The following BPIFB4 variants were observed in gnomAD, a reference collection of about 807,000 sequenced individuals.
BPIFB4 encodes the protein BPI fold-containing family B member 4.
A neutral mutation model predicts 69.2 loss-of-function variants in BPIFB4; 62 were observed. The observed-to-expected ratio is 0.90, with a 90% CI of 0.73 to 1.11. BPIFB4 has a LOEUF of 1.11. Ranked by LOEUF, BPIFB4 falls within the 50% of genes least tolerant of loss-of-function variation. BPIFB4 has a pLI of 0.00. For missense variants in BPIFB4, 789 were observed against 792.0 expected, an observed-to-expected ratio of 1.00 and a Z score of 0.04; for synonymous variants, 330 against 332.7, an observed-to-expected ratio of 0.99 and a Z score of 0.09.
Position 33,083,721 on chromosome 20 carries a change from G to A in BPIFB4, c.524G>A (p.Gly175Glu). ...AVGPGGLLGT[G>E]GMLAADGILA... Reference sequence around the variant, plus strand: ...GGCCCAGGTGGTTTGCTGGGCACTGGAGGCATGCTGGCAGCTGATGGCATC... The same window carrying A: ...GGCCCAGGTGGTTTGCTGGGCACTGAAGGCATGCTGGCAGCTGATGGCATC... The change falls in exon 5 of 18, where the codon GGA becomes GAA. Residue 175 changes from glycine (G) to glutamate (E), a missense_variant. This residue lies in a region of BPIFB4 where 611 missense variants were observed against 575.4 expected (regional missense o/e 1.06). Transcript: ENST00000375483. 6.2e-7 allele frequency: 1 copy of A among 1,614,034 alleles called. No individual in the cohort carries two copies. Among genetic ancestry groups the A allele is most frequent in the Non-Finnish European group, 8.5e-7 (1 of 1,179,974 alleles).
chr20:33,081,141 T>C (rs1600550774), intron 2 of BPIFB4, among the ~76,000 whole-genome samples: 1 of 152,138 alleles, frequency 6.6e-6, no homozygotes, highest in Non-Finnish European at 1.5e-5. Flanking sequence ...GATGAGTAGA[T>C]GGGTAGATGC....
rs1982242742 is a variant in BPIFB4, at chr20:33,111,650, C to T, written c.*213C>T. On this transcript the variant is annotated 3_prime_UTR_variant, in exon 18 of 18. Coordinates refer to ENST00000375483, the MANE Select transcript of BPIFB4 (RefSeq NM_182519.3). Reference sequence around the variant, plus strand: ...ACATTCCCTTCCATGGTCAGCCTGCCAGGAGGAGGGGAGTCACCTTGGGGC... The same window carrying T: ...ACATTCCCTTCCATGGTCAGCCTGCTAGGAGGAGGGGAGTCACCTTGGGGC... The T allele has an allele frequency of 3.3e-6, 2 of 607,534 alleles. No individual in the cohort carries two copies. The highest frequency in any genetic ancestry group is 4.3e-5 in the South Asian group (2 of 46,666). The allele number at this position is 607,534 out of a possible 1,614,324, so 37.6% of individuals were successfully genotyped here. A position where few individuals can be genotyped will look rare whatever the true frequency, so the allele number is the denominator to read the frequency against.
chr20:33,085,050 T>C, intron 6 of BPIFB4, 54 bp downstream of exon 6: 6 of 1,577,448 alleles, frequency 3.8e-6, no homozygotes, highest in Non-Finnish European at 5.1e-6. Context: ...CCAACCTCTG[T>C]ATCCATAACA....
intron 16 of BPIFB4, among the ~76,000 whole-genome samples, chr20:33,105,893 C>T (rs752581574): frequency 3.2e-4 from 48 of 152,014 alleles, no homozygotes; most frequent in Admixed American, 7.9e-4. Flanking sequence ...AACTTGGGGG[C>T]GAGTCTTTTA....
intron 8 of BPIFB4, 131 bp from the exon 9 acceptor site, chr20:33,089,367 G>C: frequency 7.0e-7 from 1 of 1,426,964 alleles, no homozygotes. Context: ...CCACAGGGCT[G>C]TGGTGAGGAG....
At chr20:33,107,513 A>G (rs1272561941) in intron 16 of BPIFB4, among the ~76,000 whole-genome samples, 1 of 152,158 alleles carries the variant, frequency 6.6e-6, no homozygotes, top group African/African-American at 2.4e-5. Flanking sequence ...GCATGTGCCT[A>G]TAATCCCAGC....
chr20:33,094,144 A>G (rs973696975), intron 11 of BPIFB4, among the ~76,000 whole-genome samples: 2 of 152,254 alleles, frequency 1.3e-5, no homozygotes, highest in Admixed American at 6.5e-5. Flanking sequence ...GTGTCCGTAT[A>G]TAGTTAGCCC....
At chr20:33,100,684 T>C (rs1473568333) in intron 14 of BPIFB4, among the ~76,000 whole-genome samples, 191 bp downstream of exon 14, 28 of 152,118 alleles carry the variant, frequency 1.8e-4, no homozygotes, top group Non-Finnish European at 2.9e-5. Context: ...AGCCGTGAAC[T>C]TAGAAAGAAA....
At chr20:33,107,183 A>C (rs570939386) in intron 16 of BPIFB4, among the ~76,000 whole-genome samples, 63 of 151,672 alleles carry the variant, frequency 4.2e-4, no homozygotes, top group African/African-American at 1.3e-3. Flanking sequence ...CAGCTGGGGC[A>C]ACAGAGCAAG....
In BPIFB4 at chr20:33,083,678, G is replaced by T. The variant is rs1466584134; in HGVS notation, c.481G>T (p.Val161Phe). 3 of 1,614,100 alleles carry T rather than the reference G, an allele frequency of 1.9e-6. No individual in the cohort carries two copies. Among genetic ancestry groups the T allele is most frequent in the Non-Finnish European group, 1.7e-6 (2 of 1,180,004 alleles). Residue 161 changes from valine (V) to phenylalanine (F), a missense_variant, in exon 5 of 18, where the codon GTT becomes TTT. Physicochemically the swap from Val to Phe is conservative, Grantham distance 50. Transcript: ENST00000375483. ...GCAGCCTGGAGAAATCCCACCTGGA[G>T]TTGCCACTGGGGCGGTGGGCCCAGG... is the stretch of plus-strand genomic sequence containing the variant. The part of the protein sequence containing the change: ...ELQPGEIPPG[V>F]ATGAVGPGGL...
intron 11 of BPIFB4, among the ~76,000 whole-genome samples, chr20:33,094,474 A>C (rs1981699801): frequency 6.6e-6 from 1 of 151,948 alleles, no homozygotes; most frequent in South Asian, 2.1e-4. Flanking sequence ...TGTTTTAATA[A>C]GGAATGACAT....
intron 8 of BPIFB4, among the ~76,000 whole-genome samples, 172 bp from the exon 9 acceptor site, chr20:33,089,326 A>G (rs553771842): frequency 6.6e-6 from 1 of 152,272 alleles, no homozygotes; most frequent in South Asian, 2.1e-4. Flanking sequence ...CGATTTTCCC[A>G]TCTGTAAGTG....
Position 33,097,248 on chromosome 20 carries a change from A to G in BPIFB4, c.1399-369A>G, listed in dbSNP as rs553714010. 2.3e-4 allele frequency among the ~76,000 whole-genome samples: 35 copies of G among 151,714 alleles called. 1 individual carries two copies. The South Asian group carries it at 5.2e-3, about 23-fold the overall frequency. ...CTGTTTTCTCATCTGTAATGTGGAG[A>G]AAAAAAAATACCCCATGGGTTGTTG... On this transcript the variant is annotated intron_variant, in intron 12 of 17. Transcript: ENST00000375483.
At chr20:33,107,426 T>G (rs749216034) in intron 16 of BPIFB4, among the ~76,000 whole-genome samples, 26 of 151,666 alleles carry the variant, frequency 1.7e-4, no homozygotes, top group Non-Finnish European at 2.8e-4. Context: ...AACCCTGTCT[T>G]TACTAAAACA....
chr20:33,104,690 A>G (rs1480308029), intron 15 of BPIFB4, 120 bp from the exon 16 acceptor site: 2 of 894,384 alleles, frequency 2.2e-6, no homozygotes, highest in African/African-American at 3.4e-5. Flanking sequence ...GACTGCCAGA[A>G]CCTAGACTCT....
At chr20:33,081,099 G>GTA (rs1568999129) in intron 2 of BPIFB4, among the ~76,000 whole-genome samples, 2 of 152,200 alleles carry the variant, frequency 1.3e-5, no homozygotes, top group Non-Finnish European at 2.9e-5. Context: ...GAGTAGATGA[G>GTA]TAGATGGGTG....
At chr20:33,091,770 T>G (rs1316678073) in intron 10 of BPIFB4, among the ~76,000 whole-genome samples, 1 of 152,176 alleles carries the variant, frequency 6.6e-6, no homozygotes, top group Non-Finnish European at 1.5e-5. Flanking sequence ...TTAGAATGTT[T>G]TGGAGGGGAC....
chr20:33,092,664 T>C lies in BPIFB4; in HGVS notation c.1344+6T>C. 1 of 1,603,372 alleles carries C rather than the reference T, an allele frequency of 6.2e-7. No individual in the cohort carries two copies. Among genetic ancestry groups the C allele is most frequent in the South Asian group, 1.1e-5 (1 of 90,994 alleles). ...TGGATATCACCAATGGCATGGTGAG[T>C]CACAGCCCCACCAGGGGGAGGTGGC... On this transcript the variant is annotated splice_donor_region_variant and intron_variant, in intron 11 of 17. Coordinates refer to ENST00000375483, the MANE Select transcript of BPIFB4 (RefSeq NM_182519.3).
rs191783938 is a variant in BPIFB4 at position 33,086,056 on chromosome 20, A to T, written c.818A>T (p.Asn273Ile). 1.2e-6 allele frequency: 2 copies of T among 1,613,056 alleles called. No individual in the cohort carries two copies. Among genetic ancestry groups the T allele is most frequent in the South Asian group, 1.1e-5 (1 of 91,040 alleles). The part of the protein sequence containing the change: ...IGFLDIAVEV[N>I]ITAKVRLTMD... ...TTCCTGGACATCGCAGTAGAAGTGA[A>T]CATCACAGCCAAGGTCCGGCTGACC... The change falls in exon 7 of 18, where the codon AAC (asparagine) becomes ATC (isoleucine). Residue 273 changes from asparagine to isoleucine, a missense_variant. Transcript: ENST00000375483.
Sources: allele counts gnomAD v4.1 joint callset (sites outside exome capture counted in the v4.1 genomes callset), GRCh38; gene constraint gnomAD v4.1.1; regional missense constraint gnomAD v4.1.1; transcripts MANE v1.5; gene names NCBI Gene and HGNC (gene_info 2026-07-23, HGNC 2026-07-21).